Variants in DPP6 observed in about 807,000 individuals in gnomAD.
The protein encoded by DPP6 is A-type potassium channel modulatory protein DPP6.
A neutral mutation model predicts 122.6 loss-of-function variants in DPP6; 69 were observed. That is an observed-to-expected ratio of 0.56 (90% confidence interval 0.46 to 0.69). The LOEUF (loss-of-function observed/expected upper bound fraction) is 0.69, where lower values mean the gene tolerates loss of function less well. DPP6 is among the 30% of genes least tolerant of loss of function. DPP6 has a pLI of 0.00. For synonymous variants in DPP6, 418 were observed against 433.1 expected (o/e 0.97, Z 0.43); for missense variants, 928 against 1,116.9 (o/e 0.83, Z 2.41).
chr7:153,808,530 T>C, the DPP6 span, among the ~76,000 whole-genome samples: 1 of 152,172 alleles, frequency 6.6e-6, no homozygotes, highest in East Asian at 1.9e-4. Flanking sequence ...ACATTAGATC[T>C]GCAGAGCTTA....
At position 154,062,220 on chromosome 7, in the gene DPP6, G is replaced by A. The variant is rs375073313; in HGVS notation, c.243+9157G>A. Among the ~76,000 whole-genome samples the A allele has an allele frequency of 1.5e-4, 15 of 98,172 alleles. 3 individuals are homozygous for A. The highest frequency in any genetic ancestry group is 5.2e-4 in the African/African-American group (14 of 26,784). The allele number at this position is 98,172 out of a possible 152,430, so 64.4% of individuals were successfully genotyped here. The stretch of plus-strand genomic sequence containing the variant: ...CCACCTGGAGGACTGCGGGTGTTAG[G>A]TGTCCAAGTAGAAAGTTCAAATCTT... On this transcript the variant is annotated intron_variant, in intron 1 of 25. Coordinates refer to ENST00000377770, the MANE Select transcript of DPP6 (RefSeq NM_130797.4).
the DPP6 span, among the ~76,000 whole-genome samples, chr7:153,790,813 T>G: frequency 6.6e-6 from 1 of 152,194 alleles, no homozygotes; most frequent in Non-Finnish European, 1.5e-5. Flanking sequence ...CTGTAATCAC[T>G]TAATTAGAGG....
At chr7:154,596,701 C>T (rs1055058907) in intron 5 of DPP6, among the ~76,000 whole-genome samples, 6 of 152,128 alleles carry the variant, frequency 3.9e-5, no homozygotes, top group East Asian at 3.9e-4. Flanking sequence ...GAAGAAATGG[C>T]GTCAACACTG....
intron 1 of DPP6, among the ~76,000 whole-genome samples, chr7:154,207,952 CAA>C (rs199673849): frequency 2.6e-5 from 3 of 113,974 alleles, no homozygotes; most frequent in African/African-American, 3.5e-5. Context: ...GAGACTGCCT[CAA>C]AAAAAAAAAA....
At chr7:153,909,433 C>T (rs1264220025) in intron 1 of DPP6, among the ~76,000 whole-genome samples, 1 of 117,148 alleles carries the variant, frequency 8.5e-6, no homozygotes, top group African/African-American at 2.9e-5. Flanking sequence ...ATTTATCTAT[C>T]TTAAAAAAAA....
chr7:154,757,759 G>T (rs2131496556), intron 8 of DPP6, among the ~76,000 whole-genome samples: 1 of 152,314 alleles, frequency 6.6e-6, no homozygotes, highest in Middle Eastern at 3.4e-3. Flanking sequence ...CGGCACACGG[G>T]AGGGGCACGT....
chr7:154,628,014 C>T lies in DPP6; in HGVS notation c.628-9807C>T, dbSNP rs112311468. 5.5e-3 allele frequency among the ~76,000 whole-genome samples: 842 copies of T among 152,292 alleles called. 3 individuals carry two copies. The highest frequency in any genetic ancestry group is 0.02 in the Middle Eastern group (6 of 294). On this transcript the variant is annotated intron_variant, in intron 5 of 25. Coordinates refer to ENST00000377770, the MANE Select transcript of DPP6 (RefSeq NM_130797.4). ...AACAAGAAGCAGTTAAAGTTATGTA[C>T]CCACTGAGAGCAGATAGCGGGGAGG...
At chr7:153,968,249 T>A (rs1795853151) in intron 1 of DPP6, among the ~76,000 whole-genome samples, 1 of 150,684 alleles carries the variant, frequency 6.6e-6, no homozygotes, top group Admixed American at 6.6e-5. Flanking sequence ...AGTTGGTATC[T>A]CATTGTGCAT....
intron 1 of DPP6, among the ~76,000 whole-genome samples, chr7:153,955,378 T>C (rs1802412219): frequency 6.6e-6 from 1 of 152,220 alleles, no homozygotes; most frequent in Non-Finnish European, 1.5e-5. Flanking sequence ...GTGCTTTATA[T>C]GTGTTACCTT....
chr7:154,886,858 C>T (rs913421492), intron 22 of DPP6, among the ~76,000 whole-genome samples: 7 of 152,246 alleles, frequency 4.6e-5, no homozygotes, highest in Non-Finnish European at 1.0e-4. Flanking sequence ...AGTCTCCCAA[C>T]ACCTTCACAG....
In DPP6 at chr7:154,340,668, G is replaced by T. The variant is rs550090960; in HGVS notation, c.244-105546G>T. On this transcript the variant is annotated intron_variant, in intron 1 of 25. Coordinates refer to ENST00000377770, the MANE Select transcript of DPP6 (RefSeq NM_130797.4). ...TTAGATATTGAATCCAGAAGCACTG[G>T]TGATAGCAGCAATAACTAACATGTG... Among the ~76,000 whole-genome samples the T allele has an allele frequency of 3.3e-5, 5 of 152,314 alleles. 1 individual carries two copies. In the East Asian group the frequency reaches 9.6e-4, roughly 29 times the overall value.
At chr7:154,835,261 G>T (rs1040401965) in intron 16 of DPP6, among the ~76,000 whole-genome samples, 2 of 152,162 alleles carry the variant, frequency 1.3e-5, no homozygotes, top group African/African-American at 4.8e-5. Flanking sequence ...GGAGGCAGAC[G>T]CTGCTGTGCG....
At chr7:154,106,365 C>T (rs1290403652) in intron 1 of DPP6, among the ~76,000 whole-genome samples, 1 of 117,626 alleles carries the variant, frequency 8.5e-6, no homozygotes, top group African/African-American at 3.4e-5. Flanking sequence ...ATCCTTGGTG[C>T]GTGTTTATAG....
chr7:154,063,914 C>T (rs1278501388), intron 1 of DPP6, among the ~76,000 whole-genome samples: 1 of 151,622 alleles, frequency 6.6e-6, no homozygotes, highest in African/African-American at 2.4e-5. Flanking sequence ...ACTCCTGAGT[C>T]TCGGGAAGCC....
chr7:154,587,710 G>A, intron 5 of DPP6: 1 of 1,553,228 alleles, frequency 6.4e-7, no homozygotes, highest in East Asian at 2.4e-5. Context: ...TGACTCATTA[G>A]CAGTAAGTCA....
intron 1 of DPP6, among the ~76,000 whole-genome samples, chr7:154,159,205 G>T (rs1034115150): frequency 6.6e-6 from 1 of 152,134 alleles, no homozygotes; most frequent in Non-Finnish European, 1.5e-5. Flanking sequence ...CCCCTGCTCC[G>T]TGGTTCCTGG....
chr7:154,042,087 G>A (rs1388052579), intron 1 of DPP6, among the ~76,000 whole-genome samples: 7 of 152,202 alleles, frequency 4.6e-5, no homozygotes, highest in Non-Finnish European at 7.4e-5. Flanking sequence ...GGCTACAGCA[G>A]CTTTGAGCAT....
chr7:153,865,616 G>A, the DPP6 span, among the ~76,000 whole-genome samples: 2 of 151,988 alleles, frequency 1.3e-5, no homozygotes, highest in African/African-American at 4.8e-5. Context: ...ATATAAAGTG[G>A]TCAATAAGAC....
chr7:154,662,049 T>C (rs1837726235), intron 6 of DPP6, among the ~76,000 whole-genome samples: 1 of 150,870 alleles, frequency 6.6e-6, no homozygotes, highest in Non-Finnish European at 1.5e-5. Context: ...CATATAGTCA[T>C]GGTGAATCAC....
Sources: allele counts gnomAD v4.1 joint callset (sites outside exome capture counted in the v4.1 genomes callset), GRCh38; gene constraint gnomAD v4.1.1; transcripts MANE v1.5; gene names NCBI Gene and HGNC (gene_info 2026-07-23, HGNC 2026-07-21).